The following RBFOX2 variants were observed in gnomAD, a reference collection of about 807,000 sequenced individuals.
RBFOX2 encodes the protein RNA binding protein fox-1 homolog 2.
In RBFOX2, 10 loss-of-function variants were observed where a neutral mutation model predicts 49.1. The ratio of observed to expected loss-of-function variants is 0.20; its 90% CI spans 0.13 to 0.35. The LOEUF (loss-of-function observed/expected upper bound fraction) is 0.35. RBFOX2 is among the 10% of genes least tolerant of loss of function. The pLI is 1.00. For missense variants in RBFOX2, 323 were observed against 486.9 expected (o/e 0.66, Z 3.17); for synonymous variants, 183 against 187.4 (o/e 0.98, Z 0.19).
intron 1 of RBFOX2, among the ~76,000 whole-genome samples, chr22:35,893,219 T>C (rs1399659703): frequency 6.6e-6 from 1 of 152,232 alleles, no homozygotes; most frequent in East Asian, 1.9e-4. Flanking sequence ...CCCAGCTGGC[T>C]GCTCCAAGGG....
At chr22:35,909,009 AT>A (rs576277394) in intron 1 of RBFOX2, among the ~76,000 whole-genome samples, 390 of 152,054 alleles carry the variant, frequency 2.6e-3, no homozygotes, top group Middle Eastern at 6.8e-3. Flanking sequence ...CGCCTGGCTA[AT>A]TTTTTGTATT....
chr22:35,837,341 G>A (rs1469140588), intron 1 of RBFOX2, among the ~76,000 whole-genome samples: 2 of 152,158 alleles, frequency 1.3e-5, no homozygotes, highest in African/African-American at 4.8e-5. Flanking sequence ...TAGCAAAACA[G>A]TGAAAACACA....
At chr22:35,893,762 C>A (rs1448781391) in intron 1 of RBFOX2, among the ~76,000 whole-genome samples, 1 of 152,222 alleles carries the variant, frequency 6.6e-6, no homozygotes, top group Admixed American at 6.5e-5. Flanking sequence ...TCCATCTCTG[C>A]AAACGCAGTT....
intron 1 of RBFOX2, among the ~76,000 whole-genome samples, chr22:35,923,808 A>G (rs1207090725): frequency 6.6e-6 from 1 of 152,052 alleles, no homozygotes; most frequent in East Asian, 1.9e-4. Context: ...TTACAGCAAT[A>G]CCTGTAAACT....
At chr22:35,984,599 A>C (rs1352506766) in intron 1 of RBFOX2, among the ~76,000 whole-genome samples, 1 of 152,204 alleles carries the variant, frequency 6.6e-6, no homozygotes, top group Non-Finnish European at 1.5e-5. Context: ...GAGGGGAAAA[A>C]GCTATACTGA....
intron 2 of RBFOX2, among the ~76,000 whole-genome samples, chr22:35,784,730 C>T (rs1478601627): frequency 1.3e-5 from 2 of 152,232 alleles, no homozygotes; most frequent in African/African-American, 4.8e-5. Context: ...GTCGATGATG[C>T]CCTTCACCAT....
At chr22:36,011,084 A>G (rs992295085) in intron 1 of RBFOX2, among the ~76,000 whole-genome samples, 22 of 152,350 alleles carry the variant, frequency 1.4e-4, no homozygotes, top group African/African-American at 5.1e-4. Context: ...AGATGTCATC[A>G]TGAATAAAAC....
intron 2 of RBFOX2, among the ~76,000 whole-genome samples, chr22:35,807,977 T>C (rs1487108850): frequency 2.0e-5 from 3 of 151,990 alleles, no homozygotes; most frequent in Non-Finnish European, 4.4e-5. Flanking sequence ...TGACAATTTA[T>C]ATGAAGCAAA....
At chr22:35,795,346 C>G (rs1165461396) in intron 2 of RBFOX2, among the ~76,000 whole-genome samples, 1 of 152,100 alleles carries the variant, frequency 6.6e-6, no homozygotes, top group African/African-American at 2.4e-5. Context: ...ACAGAACATG[C>G]TAATGACACC....
intron 1 of RBFOX2, among the ~76,000 whole-genome samples, chr22:35,903,749 G>A (rs896033649): frequency 4.6e-5 from 7 of 152,120 alleles, no homozygotes; most frequent in Non-Finnish European, 8.8e-5. Flanking sequence ...TTCTGTGTGT[G>A]TGACTTCACT....
At chr22:35,809,791 C>T (rs759049400) in exon 2 of RBFOX2, 29 of 1,613,730 alleles carry the variant, frequency 1.8e-5, no homozygotes, top group Non-Finnish European at 2.5e-5. Flanking sequence ...GTAAGAGATC[C>T]ATTTTGTGTG....
intron 1 of RBFOX2, among the ~76,000 whole-genome samples, chr22:36,026,583 C>T (rs1250491814): frequency 1.3e-5 from 2 of 150,940 alleles, no homozygotes; most frequent in African/African-American, 4.9e-5. Context: ...CCAAGTAGAA[C>T]CTGCTCACCA....
chr22:35,814,920 A>C, intron 1 of RBFOX2, among the ~76,000 whole-genome samples: 1 of 152,052 alleles, frequency 6.6e-6, no homozygotes, highest in East Asian at 1.9e-4. Flanking sequence ...TGTTTAGTAC[A>C]GACACAGTCA....
chr22:35,831,016 C>A (rs1210751275), intron 1 of RBFOX2, among the ~76,000 whole-genome samples: 1 of 152,152 alleles, frequency 6.6e-6, no homozygotes, highest in South Asian at 2.1e-4. Context: ...GAAAACCTTA[C>A]GTATGCTATA....
chr22:35,882,685 T>C (rs1372022891), intron 1 of RBFOX2, among the ~76,000 whole-genome samples: 1 of 152,188 alleles, frequency 6.6e-6, no homozygotes, highest in Non-Finnish European at 1.5e-5. Flanking sequence ...GTTCACCTTA[T>C]ATAGGAATGC....
chr22:35,941,907 A>G (rs2053730109), upstream of RBFOX2, among the ~76,000 whole-genome samples: 1 of 152,180 alleles, frequency 6.6e-6, no homozygotes. Context: ...GGAACTCTCA[A>G]GCCCTCCCTG....
chr22:35,918,740 C>T (rs1049141784), intron 1 of RBFOX2, among the ~76,000 whole-genome samples: 2 of 152,118 alleles, frequency 1.3e-5, no homozygotes, highest in Non-Finnish European at 2.9e-5. Flanking sequence ...ACACAATGAG[C>T]TCCCTGAATA....
exon 12 of RBFOX2, chr22:35,741,393 T>C (rs1392959146): frequency 6.6e-6 from 1 of 152,276 alleles, no homozygotes; most frequent in Admixed American, 6.5e-5. Context: ...CAGACTCCTC[T>C]GACTCTCTTT....
exon 1 of RBFOX2, among the ~76,000 whole-genome samples, chr22:36,028,638 G>A (rs1232925625): frequency 6.8e-6 from 1 of 148,046 alleles, no homozygotes; most frequent in African/African-American, 2.5e-5. Context: ...CCCGCCCGCC[G>A]GGTTGTCGGC....
Sources: gnomAD v4.1 joint callset for allele counts (sites outside exome capture counted in the v4.1 genomes callset) on GRCh38, gnomAD v4.1.1 for gene constraint, MANE v1.5 for transcripts, NCBI Gene and HGNC (gene_info 2026-07-23, HGNC 2026-07-21) for gene names.